The following RERE variants were observed in gnomAD, a reference collection of about 807,000 sequenced individuals.
RERE encodes arginine-glutamic acid dipeptide repeats protein.
Under a neutral mutation model 146.1 loss-of-function variants are expected in RERE, and 40 were observed. The ratio of observed to expected loss-of-function variants is 0.27; its 90% CI spans 0.21 to 0.36. RERE has a LOEUF of 0.36. RERE is among the 10% of genes least tolerant of loss of function. RERE has a pLI of 1.00. For missense variants in RERE, 1,933 were observed against 2,138.7 expected, an observed-to-expected ratio of 0.90 and a Z score of 1.90; for synonymous variants, 1,003 against 866.0, an observed-to-expected ratio of 1.16 and a Z score of -2.78.
At chr1:8,586,326 T>C (rs1646427854) in intron 4 of RERE, among the ~76,000 whole-genome samples, 1 of 152,218 alleles carries the variant, frequency 6.6e-6, no homozygotes, top group African/African-American at 2.4e-5. Context: ...ATGAATTCCT[T>C]AGGGAAAGAA....
chr1:8,374,554 C>A (rs1198270183), intron 12 of RERE, among the ~76,000 whole-genome samples: 1 of 152,152 alleles, frequency 6.6e-6, no homozygotes, highest in East Asian at 1.9e-4. Context: ...ACGTCTGGAC[C>A]TGAGGTCCTG....
intron 12 of RERE, among the ~76,000 whole-genome samples, chr1:8,396,622 C>T (rs1643065282): frequency 6.6e-6 from 1 of 152,120 alleles, no homozygotes; most frequent in East Asian, 1.9e-4. Context: ...ATTATACTTC[C>T]AAAGGTAAAA....
chr1:8,684,842 C>CCATTCATT (rs36157354), intron 1 of RERE, among the ~76,000 whole-genome samples: 3 of 151,216 alleles, frequency 2.0e-5, no homozygotes, highest in Non-Finnish European at 4.4e-5. Flanking sequence ...ACTCATTCAT[C>CCATTCATT]CATTCATTCA....
intron 4 of RERE, among the ~76,000 whole-genome samples, chr1:8,601,580 T>C (rs1411555684): frequency 6.8e-6 from 1 of 147,586 alleles, no homozygotes; most frequent in Non-Finnish European, 1.5e-5. Context: ...CCATGATCCT[T>C]TGGATTGAGA....
chr1:8,645,531 C>G (rs772984343), intron 2 of RERE, among the ~76,000 whole-genome samples: 1 of 152,148 alleles, frequency 6.6e-6, no homozygotes, highest in Non-Finnish European at 1.5e-5. Flanking sequence ...CAAATCTAAA[C>G]GTGTGTTTAA....
chr1:8,501,179 G>A (rs1157161876), intron 8 of RERE, among the ~76,000 whole-genome samples: 8 of 148,376 alleles, frequency 5.4e-5, no homozygotes, highest in Non-Finnish European at 9.0e-5. Flanking sequence ...CCCCCTGCCC[G>A]GCCAGCCGCC....
intron 15 of RERE, among the ~76,000 whole-genome samples, chr1:8,363,449 C>T (rs1004884118): frequency 2.6e-5 from 4 of 152,080 alleles, no homozygotes; most frequent in Admixed American, 6.5e-5. Flanking sequence ...CCAGCAGCCT[C>T]AACGGCATAC....
rs1188530614 is a variant in RERE, at chr1:8,356,555, C to G, written c.4340-309G>C. Among the ~76,000 whole-genome samples, 4 of 152,326 alleles carry G rather than the reference C, an allele frequency of 2.6e-5. No homozygotes were observed. In the East Asian group the frequency reaches 7.7e-4, roughly 29 times the overall value. ...AGGACCCGGGATCAGCAGGGTCCCT[C>G]TCGCCGGCCACCTGGGCCTGCCCTC... On this transcript the variant is annotated intron_variant, in intron 20 of 22. Coordinates refer to ENST00000400908, the MANE Select transcript of RERE (RefSeq NM_001042681.2). This position sits in a 1 kb window ranked among gnomAD's most constrained non-coding sequence, Gnocchi z 5.2.
intron 1 of RERE, among the ~76,000 whole-genome samples, chr1:8,717,163 T>C (rs1204170079): frequency 6.6e-6 from 1 of 152,234 alleles, no homozygotes; most frequent in Non-Finnish European, 1.5e-5. Context: ...ATTTTTAAAA[T>C]CATTTTTAGC....
intron 4 of RERE, among the ~76,000 whole-genome samples, chr1:8,567,962 G>T (rs1016253704): frequency 3.3e-5 from 5 of 152,120 alleles, no homozygotes; most frequent in Admixed American, 3.3e-4. Flanking sequence ...GTTAATATCA[G>T]GTGTCTGAAC....
chr1:8,799,738 G>GT (rs59426198), intron 1 of RERE, among the ~76,000 whole-genome samples: 3 of 151,474 alleles, frequency 2.0e-5, no homozygotes, highest in African/African-American at 4.9e-5. Context: ...AACATTATGA[G>GT]TTTTTTTGTG....
chr1:8,699,114 T>C (rs112029005), intron 1 of RERE, among the ~76,000 whole-genome samples: 1 of 152,220 alleles, frequency 6.6e-6, no homozygotes, highest in African/African-American at 2.4e-5. Flanking sequence ...CTTTTTTGTA[T>C]CTTCAGCAAC....
intron 1 of RERE, among the ~76,000 whole-genome samples, chr1:8,722,921 C>G (rs921746699): frequency 1.3e-5 from 2 of 152,142 alleles, no homozygotes; most frequent in African/African-American, 4.8e-5. Flanking sequence ...GTTTCAGAAC[C>G]TGCATTTAAA....
chr1:8,392,310 A>C (rs1404912404), intron 12 of RERE, among the ~76,000 whole-genome samples: 1 of 152,210 alleles, frequency 6.6e-6, no homozygotes, highest in Non-Finnish European at 1.5e-5. Flanking sequence ...CAAAATACAC[A>C]ATTGAAAAAA....
At chr1:8,732,818 T>C (rs1366476909) in intron 1 of RERE, among the ~76,000 whole-genome samples, 6 of 121,340 alleles carry the variant, frequency 4.9e-5, no homozygotes, top group Admixed American at 3.9e-4. Context: ...CTTTTTTTTT[T>C]TTTTTTTTTT....
chr1:8,770,044 C>T (rs1640915426), intron 1 of RERE, among the ~76,000 whole-genome samples: 1 of 152,152 alleles, frequency 6.6e-6, no homozygotes, highest in African/African-American at 2.4e-5. Flanking sequence ...CCCGCTTCAG[C>T]CTCCCAAAGT....
At chr1:8,763,757 G>A (rs982518590) in intron 1 of RERE, among the ~76,000 whole-genome samples, 3 of 152,074 alleles carry the variant, frequency 2.0e-5, no homozygotes, top group Non-Finnish European at 2.9e-5. Flanking sequence ...TGGCCAACAT[G>A]GTGAAGCCCC....
chr1:8,513,503 C>T (rs1461987842), intron 7 of RERE, among the ~76,000 whole-genome samples: 1 of 152,168 alleles, frequency 6.6e-6, no homozygotes, highest in Admixed American at 6.5e-5. Context: ...CTTTTTGATA[C>T]TACACCAAAA....
At chr1:8,649,099 A>G (rs969335774) in intron 2 of RERE, among the ~76,000 whole-genome samples, 1 of 152,230 alleles carries the variant, frequency 6.6e-6, no homozygotes, top group Admixed American at 6.5e-5. Context: ...TGCCACCTAC[A>G]GCAAACTCCA....
Sources: gnomAD v4.1 joint callset for allele counts (sites outside exome capture counted in the v4.1 genomes callset) on GRCh38, gnomAD v4.1.1 for gene constraint, Gnocchi (gnomAD v3.1) non-coding constraint, MANE v1.5 for transcripts, NCBI Gene and HGNC (gene_info 2026-07-23, HGNC 2026-07-21) for gene names.